Variants in CACNA2D3 observed in about 807,000 individuals in gnomAD.
CACNA2D3 encodes the protein calcium voltage-gated channel auxiliary subunit alpha2delta 3.
CACNA2D3 carries 60 observed loss-of-function variants against 160.6 expected under a neutral mutation model. The observed-to-expected ratio is 0.37, with a 90% CI of 0.30 to 0.46. The LOEUF (loss-of-function observed/expected upper bound fraction) is 0.46, where lower values mean the gene tolerates loss of function less well. Among genes scored for constraint, CACNA2D3 ranks in the 20% least tolerant of loss-of-function variants. The probability of loss-of-function intolerance (pLI) is 1.00; values close to 1 mark genes in which losing one functional copy is unlikely to be tolerated. For synonymous variants in CACNA2D3, 558 were observed against 492.9 expected (o/e 1.13, Z -1.75); for missense variants, 1,205 against 1,365.0 (o/e 0.88, Z 1.85).
chr3:54,617,339 C>T (rs979966791), intron 9 of CACNA2D3, among the ~76,000 whole-genome samples: 2 of 152,198 alleles, frequency 1.3e-5, no homozygotes, highest in Non-Finnish European at 2.9e-5. Context: ...TGAAATCCCT[C>T]TGTCCTTAGA....
At chr3:54,518,545 C>T (rs1701592745) in intron 5 of CACNA2D3, among the ~76,000 whole-genome samples, 1 of 152,196 alleles carries the variant, frequency 6.6e-6, no homozygotes, top group Non-Finnish European at 1.5e-5. Flanking sequence ...CTGTAGGCTC[C>T]TCTTGGCCTC....
intron 4 of CACNA2D3, among the ~76,000 whole-genome samples, chr3:54,443,676 G>T (rs2106799955): frequency 6.6e-6 from 1 of 152,268 alleles, no homozygotes; most frequent in East Asian, 1.9e-4. Context: ...TGCCGGTGGG[G>T]ATTTGGCATT....
At chr3:55,051,662 A>G (rs1419610095) in intron 35 of CACNA2D3, among the ~76,000 whole-genome samples, 3 of 151,994 alleles carry the variant, frequency 2.0e-5, no homozygotes, top group Non-Finnish European at 2.9e-5. Flanking sequence ...TGCTTTGTTT[A>G]CCTAAGCAAG....
intron 11 of CACNA2D3, among the ~76,000 whole-genome samples, chr3:54,705,864 G>C (rs940118104): frequency 6.7e-6 from 1 of 149,574 alleles, no homozygotes; most frequent in African/African-American, 2.4e-5. Context: ...AGCAGACTTG[G>C]TCTGAGACAA....
In CACNA2D3 at chr3:54,623,122, C is replaced by T. The variant is rs118042670; in HGVS notation, c.964-4665C>T. 3.3e-5 allele frequency among the ~76,000 whole-genome samples: 5 copies of T among 152,326 alleles called. No individual in the cohort carries two copies. In the East Asian group the frequency reaches 9.6e-4, roughly 29 times the overall value. The stretch of plus-strand genomic sequence containing the variant: ...CCCACATCAGCTAAAACTGGTTAAG[C>T]AGAGGAGCAAAGGTATTGGTTCACT... On this transcript the variant is annotated intron_variant, in intron 9 of 37. Transcript: ENST00000474759.
chr3:54,300,763 C>A (rs1373864932), intron 2 of CACNA2D3, among the ~76,000 whole-genome samples: 2 of 152,044 alleles, frequency 1.3e-5, no homozygotes, highest in African/African-American at 4.8e-5. Context: ...ATCTGTAATC[C>A]AAGCACTTTG....
chr3:54,810,426 T>C (rs1703274663), intron 13 of CACNA2D3, among the ~76,000 whole-genome samples: 1 of 152,178 alleles, frequency 6.6e-6, no homozygotes. Flanking sequence ...AACAGAACTT[T>C]CTTTGCTCTA....
At position 54,723,921 on chromosome 3, in the gene CACNA2D3, A is replaced by G. The variant is rs370413644; in HGVS notation, c.1168-28678A>G. The stretch of plus-strand genomic sequence containing the variant: ...CAGGATCAAATTCACACATAACAAT[A>G]TTAACCTTAAATGTAAATGGGCTAA... On this transcript the variant is annotated intron_variant, in intron 11 of 37. Coordinates refer to ENST00000474759, the MANE Select transcript of CACNA2D3 (RefSeq NM_018398.3). Among the ~76,000 whole-genome samples, 17 of 152,326 alleles carry G rather than the reference A, an allele frequency of 1.1e-4. No individual in the cohort carries two copies. In the East Asian group the frequency reaches 1.7e-3, roughly 16 times the overall value.
intron 35 of CACNA2D3, among the ~76,000 whole-genome samples, chr3:55,059,307 T>C (rs1038230095): frequency 6.6e-6 from 1 of 152,244 alleles, no homozygotes; most frequent in African/African-American, 2.4e-5. Flanking sequence ...CTCCCTTCGA[T>C]GTAGGGACAG....
chr3:54,142,223 A>G (rs1047820335), intron 2 of CACNA2D3, among the ~76,000 whole-genome samples: 4 of 152,176 alleles, frequency 2.6e-5, no homozygotes, highest in African/African-American at 7.2e-5. Context: ...GTGTGAGTTC[A>G]GGGACTTATC....
At chr3:54,629,611 T>G (rs750659451) in intron 10 of CACNA2D3, among the ~76,000 whole-genome samples, 1 of 152,188 alleles carries the variant, frequency 6.6e-6, no homozygotes, top group Admixed American at 6.5e-5. Context: ...AGTCCGTGTT[T>G]TGGACAGTAC....
chr3:54,606,342 G>A (rs1698624633), intron 9 of CACNA2D3, among the ~76,000 whole-genome samples: 1 of 152,056 alleles, frequency 6.6e-6, no homozygotes, highest in Non-Finnish European at 1.5e-5. Flanking sequence ...GCTGGATGCT[G>A]GGGAGCAAGT....
At chr3:54,373,037 C>G (rs1048916573) in intron 3 of CACNA2D3, among the ~76,000 whole-genome samples, 1 of 152,190 alleles carries the variant, frequency 6.6e-6, no homozygotes, top group Non-Finnish European at 1.5e-5. Flanking sequence ...AGTGCTGGTT[C>G]CCTCACTGCC....
chr3:54,268,247 A>C (rs1443222318), intron 2 of CACNA2D3, among the ~76,000 whole-genome samples: 2 of 152,200 alleles, frequency 1.3e-5, no homozygotes, highest in South Asian at 4.1e-4. Context: ...TACAGCCTTC[A>C]TGTGATGGCC....
intron 29 of CACNA2D3, among the ~76,000 whole-genome samples, chr3:54,973,361 A>G (rs1470725065): frequency 1.3e-5 from 2 of 152,074 alleles, no homozygotes; most frequent in Non-Finnish European, 2.9e-5. Context: ...TCATCTCCTG[A>G]TGAGAGTACC....
At chr3:54,687,618 G>A (rs1700492747) in intron 11 of CACNA2D3, among the ~76,000 whole-genome samples, 2 of 152,138 alleles carry the variant, frequency 1.3e-5, no homozygotes, top group Non-Finnish European at 1.5e-5. Context: ...CTTGGGTTCA[G>A]CTATTTCAGT....
At chr3:54,514,425 G>A (rs947831642) in intron 5 of CACNA2D3, among the ~76,000 whole-genome samples, 1 of 152,230 alleles carries the variant, frequency 6.6e-6, no homozygotes, top group African/African-American at 2.4e-5. Flanking sequence ...ACTGGGTTCT[G>A]TGGGACACTG....
At chr3:54,733,858 AT>A (rs1216733130) in intron 11 of CACNA2D3, among the ~76,000 whole-genome samples, 10 of 152,162 alleles carry the variant, frequency 6.6e-5, no homozygotes, top group Non-Finnish European at 1.3e-4. Context: ...GATGATGTCG[AT>A]TTAATTTCAT....
At chr3:54,480,443 C>T (rs1700914317) in intron 4 of CACNA2D3, among the ~76,000 whole-genome samples, 1 of 152,126 alleles carries the variant, frequency 6.6e-6, no homozygotes, top group Admixed American at 6.6e-5. Context: ...TGTGTTTTCT[C>T]CCCATATTTT....
Sources: allele counts gnomAD v4.1 joint callset (sites outside exome capture counted in the v4.1 genomes callset), GRCh38; gene constraint gnomAD v4.1.1; transcripts MANE v1.5; gene names NCBI Gene and HGNC (gene_info 2026-07-23, HGNC 2026-07-21).